The following DMD variants were observed in gnomAD, a reference collection of about 807,000 sequenced individuals.
DMD encodes the protein mutant dystrophin.
In DMD, 63 loss-of-function variants were observed where a neutral mutation model predicts 330.1. That is an observed-to-expected ratio of 0.19 (90% CI 0.16 to 0.24). DMD has a LOEUF of 0.24. Among genes scored for constraint, DMD ranks in the 10% least tolerant of loss-of-function variants. The pLI is 1.00. For missense variants in DMD, 3,344 were observed against 2,684.1 expected (o/e 1.25, Z -5.43); for synonymous variants, 1,223 against 959.8 (o/e 1.27, Z -5.07).
At chrX:32,967,616 G>A (rs1266520288) in intron 2 of DMD, among the ~76,000 whole-genome samples, 3 of 111,286 alleles carry the variant, frequency 2.7e-5, no homozygotes, top group Middle Eastern at 4.6e-3. Flanking sequence ...TCAGGTGCAC[G>A]CAATTAGATG....
At chrX:31,238,454 A>G (rs1185220691) in intron 63 of DMD, among the ~76,000 whole-genome samples, 2 of 112,111 alleles carry the variant, frequency 1.8e-5, no homozygotes, top group East Asian at 5.6e-4. Context: ...TATTCCCTGT[A>G]GAGCCAAAGA....
intron 37 of DMD, among the ~76,000 whole-genome samples, chrX:32,354,016 T>C (rs971602188): frequency 8.9e-6 from 1 of 111,764 alleles, no homozygotes; most frequent in Non-Finnish European, 1.9e-5. Flanking sequence ...AACTGATTCA[T>C]TGTAAATTGA....
intron 50 of DMD, among the ~76,000 whole-genome samples, chrX:31,789,561 C>A (rs947143245): frequency 9.0e-6 from 1 of 110,697 alleles, no homozygotes; most frequent in Non-Finnish European, 1.9e-5. Flanking sequence ...TCAATTATTC[C>A]AAGGTAAAGT....
intron 1 of DMD, among the ~76,000 whole-genome samples, chrX:33,044,314 C>T (rs1056101086): frequency 3.6e-5 from 4 of 111,095 alleles, no homozygotes; most frequent in Admixed American, 9.6e-5. Flanking sequence ...TGCCTGTAAT[C>T]CCAGCTACTA....
At chrX:33,014,608 T>C in intron 2 of DMD, among the ~76,000 whole-genome samples, 1 of 111,550 alleles carries the variant, frequency 9.0e-6, no homozygotes, top group Non-Finnish European at 1.9e-5. Flanking sequence ...TCAAAATTCA[T>C]GTGCATTTCA....
Position 32,789,294 on chromosome X carries a change from G to T in DMD, c.649+20199C>A, listed in dbSNP as rs140950327. On this transcript the variant is annotated intron_variant, in intron 7 of 78. Coordinates refer to ENST00000357033, the MANE Select transcript of DMD (RefSeq NM_004006.3). ...AATAAGCAGTACTCCAGTAATTGAAGATGTGAACAGCAGGCTTAGTCATTT... is the reference window on the plus strand; with the variant it reads ...AATAAGCAGTACTCCAGTAATTGAATATGTGAACAGCAGGCTTAGTCATTT... Among the ~76,000 whole-genome samples the T allele has an allele frequency of 7.3e-3, 817 of 112,420 alleles. 10 individuals carry two copies. Among genetic ancestry groups the T allele is most frequent in the African/African-American group, 0.024 (758 of 30,968 alleles).
At chrX:31,715,552 A>G (rs1463707396) in intron 52 of DMD, among the ~76,000 whole-genome samples, 1 of 108,881 alleles carries the variant, frequency 9.2e-6, no homozygotes, top group East Asian at 2.9e-4. Context: ...CAAAAAAAAA[A>G]AAAAAAAAAA....
intron 44 of DMD, among the ~76,000 whole-genome samples, chrX:32,021,972 GAGT>G (rs1405156944): frequency 8.9e-6 from 1 of 111,753 alleles, no homozygotes; most frequent in Non-Finnish European, 1.9e-5. Context: ...AGGATAAAAG[GAGT>G]AGTTTTCCTT....
chrX:31,986,523 C>G (rs1236176677), intron 44 of DMD, among the ~76,000 whole-genome samples: 1 of 111,075 alleles, frequency 9.0e-6, no homozygotes, highest in Non-Finnish European at 1.9e-5. Context: ...AGCGATTCTC[C>G]TGCCTCAGCC....
At chrX:32,141,180 C>A (rs904057396) in intron 44 of DMD, among the ~76,000 whole-genome samples, 2 of 109,424 alleles carry the variant, frequency 1.8e-5, no homozygotes, top group Non-Finnish European at 3.8e-5. Flanking sequence ...AATCCCAACA[C>A]TTTGGGAGGC....
intron 6 of DMD, among the ~76,000 whole-genome samples, chrX:32,811,612 AC>A (rs1302601976): frequency 6.3e-5 from 7 of 111,890 alleles, no homozygotes; most frequent in African/African-American, 2.3e-4. Context: ...AGCACATGAA[AC>A]TTACATACCA....
At chrX:31,381,981 G>A (rs1187906066) in intron 60 of DMD, among the ~76,000 whole-genome samples, 2 of 111,430 alleles carry the variant, frequency 1.8e-5, no homozygotes, top group African/African-American at 6.5e-5. Flanking sequence ...ATACCTCTTG[G>A]TCTAGGTAGA....
chrX:33,083,560 A>G (rs1331824576), intron 1 of DMD, among the ~76,000 whole-genome samples: 1 of 111,294 alleles, frequency 9.0e-6, no homozygotes, highest in Non-Finnish European at 1.9e-5. Flanking sequence ...TGACCAGACA[A>G]ATAAGGAGGG....
intron 9 of DMD, among the ~76,000 whole-genome samples, chrX:32,689,508 T>C (rs1181683486): frequency 9.0e-6 from 1 of 111,382 alleles, no homozygotes. Flanking sequence ...TTAATGCCAA[T>C]GCTTCACGAA....
At chrX:32,473,587 G>T (rs1223579737) in intron 21 of DMD, among the ~76,000 whole-genome samples, 1 of 111,546 alleles carries the variant, frequency 9.0e-6, no homozygotes, top group Non-Finnish European at 1.9e-5. Flanking sequence ...TATTTTGCAT[G>T]TATTTAATGT....
At chrX:31,972,397 G>A (rs5927907) in intron 44 of DMD, among the ~76,000 whole-genome samples, 43,571 of 110,171 alleles carry the variant, frequency 0.4, 6,196 homozygotes, top group South Asian at 0.49. Flanking sequence ...AAAACATTAC[G>A]TACATTTTTT....
rs1334893260 is a variant in DMD at position 33,268,752 on chromosome X, C to G, written c.7+70507G>C. Among the ~76,000 whole-genome samples, 4 of 109,928 alleles carry G rather than the reference C, an allele frequency of 3.6e-5. No homozygotes were observed. The East Asian group carries it at 8.7e-4, about 24-fold the overall frequency. On this transcript the variant is annotated intron_variant, in intron 1 of 17. Coordinates refer to the DMD transcript ENST00000288447. Reference sequence around the variant, plus strand: ...GACCAGACTGGCCAAAATGGTGAAACCCCGACTCTAGTAAAAATACAAAAA... The same window carrying G: ...GACCAGACTGGCCAAAATGGTGAAAGCCCGACTCTAGTAAAAATACAAAAA...
chrX:31,176,974 G>C (rs1219838294), intron 71 of DMD, among the ~76,000 whole-genome samples: 2 of 110,966 alleles, frequency 1.8e-5, no homozygotes, highest in South Asian at 3.8e-4. Flanking sequence ...CAATAAAAAA[G>C]ATTTAATAAA....
intron 7 of DMD, among the ~76,000 whole-genome samples, chrX:32,762,180 C>A (rs200695528): frequency 1.6e-4 from 17 of 104,872 alleles, no homozygotes; most frequent in East Asian, 1.5e-3. Flanking sequence ...AAAAAAAAAT[C>A]AAAAAAAACA....
Sources: gnomAD v4.1 joint callset for allele counts (sites outside exome capture counted in the v4.1 genomes callset) on GRCh38, gnomAD v4.1.1 for gene constraint, MANE v1.5 for transcripts, NCBI Gene and HGNC (gene_info 2026-07-23, HGNC 2026-07-21) for gene names.